Variants in SNX14 observed in about 807,000 individuals in gnomAD.
SNX14 encodes sorting nexin-14.
SNX14 carries 93 observed loss-of-function variants against 133.8 expected under a neutral mutation model. The ratio of observed to expected loss-of-function variants is 0.70; its 90% CI spans 0.59 to 0.83. SNX14 has a LOEUF of 0.83. Ranked by LOEUF, SNX14 falls within the 40% of genes least tolerant of loss-of-function variation. SNX14 has a pLI of 0.00. For synonymous variants in SNX14, 368 were observed against 365.6 expected (o/e 1.01, Z -0.07); for missense variants, 945 against 1,094.9 (o/e 0.86, Z 1.93).
intron 7 of SNX14, among the ~76,000 whole-genome samples, chr6:85,550,226 C>T (rs771447623): frequency 3.9e-5 from 6 of 152,110 alleles, no homozygotes; most frequent in African/African-American, 9.7e-5. Context: ...AAATATGTAA[C>T]GAAGTCATTC....
Position 85,572,191 on chromosome 6 carries a change from G to C in SNX14, c.363C>G (p.Tyr121Ter), listed in dbSNP as rs780584969. The C allele has an allele frequency of 2.5e-6, 4 of 1,613,720 alleles. No homozygotes were observed. In the African/African-American group the frequency reaches 5.3e-5, roughly 22 times the overall value. ...AAATTTTCAGGTCTAGCCATGGCTG[G>C]TAGTTTTCAAGTAGCAAAGAAGGCC... is the stretch of plus-strand genomic sequence containing the variant. ...RHRPSLLLEN[Y>*]QPWLDLKISS... The change falls in exon 4 of 29, where the codon TAC (tyrosine) becomes TAG (stop). Residue 121 changes from tyrosine (Y) to a stop codon, truncating the protein, a stop_gained. Transcript: ENST00000314673. LOFTEE classifies it high-confidence loss of function.
Position 85,528,247 on chromosome 6 carries a change from C to T in SNX14, c.1995+15G>A. On this transcript the variant is annotated intron_variant, in intron 20 of 28. Transcript: ENST00000314673. ...TGATTAGCAACATTTGGAATTAATACAGTTGATGTTATACCTGTAGATATT... is the reference window on the plus strand; with the variant it reads ...TGATTAGCAACATTTGGAATTAATATAGTTGATGTTATACCTGTAGATATT... 1 of 1,549,850 alleles carries T rather than the reference C, an allele frequency of 6.5e-7. No homozygotes were observed. The highest frequency in any genetic ancestry group is 8.9e-7 in the Non-Finnish European group (1 of 1,125,730).
chr6:85,547,060 T>C (rs1785830719), intron 12 of SNX14, 52 bp downstream of exon 12: 12 of 1,295,380 alleles, frequency 9.3e-6, no homozygotes, highest in Non-Finnish European at 1.2e-5. Flanking sequence ...AATATTCAAA[T>C]ACATTAAAAG....
At chr6:85,573,415 G>A (rs975620774) in intron 2 of SNX14, among the ~76,000 whole-genome samples, 2 of 152,158 alleles carry the variant, frequency 1.3e-5, no homozygotes, top group African/African-American at 4.8e-5. Context: ...GAGAGGCAGA[G>A]GTTGCAGTGA....
intron 4 of SNX14, among the ~76,000 whole-genome samples, chr6:85,569,086 C>T (rs1199919373): frequency 6.6e-6 from 1 of 152,072 alleles, no homozygotes. Flanking sequence ...CCTCAGCCTC[C>T]CAAGTAGCTG....
At position 85,567,852 on chromosome 6, in the gene SNX14, G is replaced by T. The variant is rs1042431743; in HGVS notation, c.418-275C>A. The T allele has an allele frequency of 5.3e-5, 12 of 224,560 alleles. No homozygotes were observed. In the East Asian group the frequency reaches 1.8e-3, roughly 35 times the overall value. The allele number at this position is 224,560 out of a possible 1,614,324, so 13.9% of individuals were successfully genotyped here. A position where few individuals can be genotyped will look rare whatever the true frequency, so the allele number is the denominator to read the frequency against. On this transcript the variant is annotated intron_variant, in intron 4 of 28. Transcript: ENST00000314673. ...AGAACAATAAGCTGGGTGTAGTGAC[G>T]TGTACCTGTATTCCCAGCTATTTGG...
At chr6:85,554,387 C>A (rs894992922) in intron 7 of SNX14, among the ~76,000 whole-genome samples, 1 of 151,928 alleles carries the variant, frequency 6.6e-6, no homozygotes, top group African/African-American at 2.4e-5. Flanking sequence ...TTCTATATAA[C>A]GCCTATTCTC....
intron 21 of SNX14, 33 bp downstream of exon 21, chr6:85,526,093 A>C: frequency 7.4e-7 from 1 of 1,347,536 alleles, no homozygotes; most frequent in South Asian, 1.3e-5. Flanking sequence ...TTTTCAGCTT[A>C]TTATCTTATA....
intron 1 of SNX14, among the ~76,000 whole-genome samples, chr6:85,576,984 G>A (rs535327457): frequency 1.3e-5 from 2 of 152,224 alleles, no homozygotes; most frequent in Admixed American, 6.5e-5. Flanking sequence ...ACACAGCCTA[G>A]TTAGAAAACT....
intron 1 of SNX14, among the ~76,000 whole-genome samples, chr6:85,590,556 G>A (rs143660193): frequency 6.6e-6 from 1 of 152,352 alleles, no homozygotes; most frequent in East Asian, 1.9e-4. Flanking sequence ...TTGGTCAGCA[G>A]AGGCTTTTTC....
intron 12 of SNX14, among the ~76,000 whole-genome samples, chr6:85,546,316 A>T (rs1331196138): frequency 1.3e-5 from 2 of 152,234 alleles, no homozygotes; most frequent in Admixed American, 1.3e-4. Flanking sequence ...TTCACTATAT[A>T]AATTATACCT....
chr6:85,553,600 C>T (rs1351428043), intron 7 of SNX14, among the ~76,000 whole-genome samples: 1 of 151,964 alleles, frequency 6.6e-6, no homozygotes, highest in Non-Finnish European at 1.5e-5. Flanking sequence ...CTGGCTAACA[C>T]GGTGAAACCC....
At chr6:85,531,113 C>A (rs1042980396) in intron 18 of SNX14, among the ~76,000 whole-genome samples, 16 of 152,244 alleles carry the variant, frequency 1.1e-4, no homozygotes, top group African/African-American at 3.6e-4. Flanking sequence ...AATTTTAATA[C>A]AATTTAATTT....
chr6:85,562,094 G>A (rs1012226086), intron 6 of SNX14, among the ~76,000 whole-genome samples: 4 of 152,176 alleles, frequency 2.6e-5, no homozygotes, highest in African/African-American at 9.7e-5. Context: ...ATGAGAACAT[G>A]CAATATTTGA....
chr6:85,575,018 G>T (rs1796856756), intron 1 of SNX14, among the ~76,000 whole-genome samples: 1 of 152,190 alleles, frequency 6.6e-6, no homozygotes, highest in Non-Finnish European at 1.5e-5. Context: ...ATAAACAGAA[G>T]AGGATAGGAT....
intron 7 of SNX14, among the ~76,000 whole-genome samples, chr6:85,556,465 C>A (rs1363355339): frequency 7.3e-6 from 1 of 137,738 alleles, no homozygotes; most frequent in Non-Finnish European, 1.5e-5. Flanking sequence ...AACTCTTTCA[C>A]ATTCATCTTT....
Position 85,572,064 on chromosome 6 carries a change from G to C in SNX14, c.417+73C>G, listed in dbSNP as rs973489057. 6 of 1,280,406 alleles carry C rather than the reference G, an allele frequency of 4.7e-6. No individual in the cohort carries two copies. In the Admixed American group the frequency reaches 6.3e-5, roughly 14 times the overall value. The allele number at this position is 1,280,406 out of a possible 1,614,324, so 79.3% of individuals were successfully genotyped here. ...AAGATGCTCCATGATTAAATTTTTT[G>C]ATTAAAAATTCTGGAAAATTTTTCC... is the stretch of plus-strand genomic sequence containing the variant. On this transcript the variant is annotated intron_variant, in intron 4 of 28. Coordinates refer to ENST00000314673, the MANE Select transcript of SNX14 (RefSeq NM_153816.6).
At chr6:85,526,717 G>A (rs1778592319) in intron 20 of SNX14, among the ~76,000 whole-genome samples, 1 of 152,184 alleles carries the variant, frequency 6.6e-6, no homozygotes, top group African/African-American at 2.4e-5. Flanking sequence ...ACTAGATGGG[G>A]AAATGTGAAA....
intron 19 of SNX14, among the ~76,000 whole-genome samples, chr6:85,529,537 A>T (rs903396406): frequency 6.6e-6 from 1 of 152,238 alleles, no homozygotes; most frequent in South Asian, 2.1e-4. Flanking sequence ...TTTCAGAGAA[A>T]GAACGAGGAT....
Sources: allele counts gnomAD v4.1 joint callset (sites outside exome capture counted in the v4.1 genomes callset), GRCh38; gene constraint gnomAD v4.1.1; transcripts MANE v1.5; gene names NCBI Gene and HGNC (gene_info 2026-07-23, HGNC 2026-07-21).